The following OPCML variants were observed in gnomAD, a reference collection of about 807,000 sequenced individuals.
OPCML encodes opioid binding protein/cell adhesion molecule like.
Under a neutral mutation model 37.8 loss-of-function variants are expected in OPCML, and 13 were observed. That is an observed-to-expected ratio of 0.34 (90% CI 0.22 to 0.55). The LOEUF is 0.55. Among genes scored for constraint, OPCML ranks in the 20% least tolerant of loss-of-function variants. The pLI, the probability that OPCML is intolerant of heterozygous loss-of-function variation, is 0.91. For synonymous variants in OPCML, 176 were observed against 168.8 expected (o/e 1.04, Z -0.33); for missense variants, 341 against 435.6 (o/e 0.78, Z 1.93).
At chr11:132,469,751 G>A (rs1238223452) in intron 4 of OPCML, among the ~76,000 whole-genome samples, 1 of 125,984 alleles carries the variant, frequency 7.9e-6, no homozygotes, top group Non-Finnish European at 1.6e-5. Flanking sequence ...TATGTGTGGA[G>A]GGGTGTGAGT....
chr11:133,112,634 G>T (rs1471882717), intron 1 of OPCML, among the ~76,000 whole-genome samples: 1 of 152,076 alleles, frequency 6.6e-6, no homozygotes, highest in Non-Finnish European at 1.5e-5. Context: ...TGCAATGAGG[G>T]CTATTTGCCG....
At chr11:133,484,069 GATA>G in intron 1 of OPCML, among the ~76,000 whole-genome samples, 1 of 144,364 alleles carries the variant, frequency 6.9e-6, no homozygotes, top group South Asian at 2.1e-4. Flanking sequence ...TAGATAGATA[GATA>G]GATAGATAGA....
At chr11:132,795,689 G>T (rs1407079808) in intron 2 of OPCML, among the ~76,000 whole-genome samples, 1 of 152,124 alleles carries the variant, frequency 6.6e-6, no homozygotes, top group Non-Finnish European at 1.5e-5. Flanking sequence ...ATGTTTTTGT[G>T]ACTAGTCTCT....
At position 132,943,264 on chromosome 11, in the gene OPCML, T is replaced by C. The variant is rs1303001553; in HGVS notation, c.62-254A>G. The stretch of plus-strand genomic sequence containing the variant: ...GGGCTCTCCGGAGTCTGAGAATTCT[T>C]CCTCAGATCCTGCCTCAGCTTTCCA... On this transcript the variant is annotated intron_variant, in intron 1 of 7. Coordinates refer to ENST00000524381, the MANE Select transcript of OPCML (RefSeq NM_001012393.5). The surrounding 1 kb of genome is among the most constrained non-coding windows in gnomAD (Gnocchi z 4.3). 3 of 935,610 alleles carry C rather than the reference T, an allele frequency of 3.2e-6. No individual in the cohort carries two copies. The highest frequency in any genetic ancestry group is 3.3e-5 in the African/African-American group (2 of 60,080). 58.0% of individuals were successfully genotyped at this position (935,610 alleles called of 1,614,324 possible). A position where few individuals can be genotyped will look rare whatever the true frequency, so the allele number is the denominator to read the frequency against.
chr11:132,902,145 G>T lies in OPCML; in HGVS notation c.146+40781C>A, dbSNP rs535830136. On this transcript the variant is annotated intron_variant, in intron 2 of 7. Coordinates refer to ENST00000524381, the MANE Select transcript of OPCML (RefSeq NM_001012393.5). ...AAATGGTCAATAAATCAAGCTCGGG[G>T]TCCAGGAATTTATGGATTATAGCTG... Among the ~76,000 whole-genome samples, 12 of 152,318 alleles carry T rather than the reference G, an allele frequency of 7.9e-5. No homozygotes were observed. In the East Asian group the frequency reaches 2.3e-3, roughly 29 times the overall value.
At chr11:133,393,811 G>A (rs985857479) in intron 1 of OPCML, among the ~76,000 whole-genome samples, 1 of 152,220 alleles carries the variant, frequency 6.6e-6, no homozygotes, top group African/African-American at 2.4e-5. Context: ...CTCCTGTGCT[G>A]GATAATACAG....
In OPCML at chr11:132,657,274, G is replaced by A. The variant is rs777028556; in HGVS notation, c.192C>T (p.Arg64=). ...CATTCCCAGCGTAGAGGATGGTGCT[G>A]CGGTTTAGCCAGGCCACCCGGGTTA... ...DRVTRVAWLN[R]STILYAGNDK... is the part of the protein sequence containing the mutation. Residue 64 remains arginine (R), a synonymous_variant, in exon 3 of 8, where the codon CGC becomes CGT. Transcript: ENST00000524381. 6 of 1,614,132 alleles carry A rather than the reference G, an allele frequency of 3.7e-6. No individual in the cohort carries two copies. Among genetic ancestry groups the A allele is most frequent in the Non-Finnish European group, 4.2e-6 (5 of 1,180,058 alleles).
At chr11:133,447,944 T>A (rs1378571380) in intron 1 of OPCML, among the ~76,000 whole-genome samples, 3 of 152,190 alleles carry the variant, frequency 2.0e-5, no homozygotes, top group Admixed American at 2.0e-4. Context: ...ATAAGTGTTT[T>A]ATTAGCTATG....
intron 1 of OPCML, among the ~76,000 whole-genome samples, chr11:133,018,457 T>C (rs115811129): frequency 0.014 from 2,068 of 152,170 alleles, 49 homozygotes; most frequent in African/African-American, 0.048. Context: ...CCAGAACAGG[T>C]ACAACACCCC....
rs546787554 is a variant in OPCML, at chr11:133,468,715, T to C, written c.61+63549A>G. 5.9e-5 allele frequency among the ~76,000 whole-genome samples: 9 copies of C among 152,290 alleles called. No individual in the cohort carries two copies. The East Asian group carries it at 1.7e-3, about 30-fold the overall frequency. ...GGGATAGCTGAGAGAAAAAGGCTTT[T>C]TGACAAGCGTTCAAGAGCTCACTTC... is the stretch of plus-strand genomic sequence containing the variant. On this transcript the variant is annotated intron_variant, in intron 1 of 7. Coordinates refer to ENST00000524381, the MANE Select transcript of OPCML (RefSeq NM_001012393.5).
intron 2 of OPCML, among the ~76,000 whole-genome samples, chr11:132,790,508 G>T (rs1458798025): frequency 6.6e-6 from 1 of 152,172 alleles, no homozygotes; most frequent in Non-Finnish European, 1.5e-5. Flanking sequence ...AATTTAAAAA[G>T]TCAACCAAAA....
At chr11:133,444,997 A>T (rs1946445334) in intron 1 of OPCML, among the ~76,000 whole-genome samples, 1 of 136,412 alleles carries the variant, frequency 7.3e-6, no homozygotes, top group Non-Finnish European at 1.5e-5. Flanking sequence ...GAGACCACAG[A>T]CCATATCCAT....
intron 3 of OPCML, among the ~76,000 whole-genome samples, chr11:132,656,414 G>C (rs2135769622): frequency 6.6e-6 from 1 of 152,198 alleles, no homozygotes; most frequent in Non-Finnish European, 1.5e-5. Flanking sequence ...ACAATTCCTG[G>C]GCTATGTCGA....
chr11:132,445,394 C>A (rs974669003), intron 4 of OPCML, among the ~76,000 whole-genome samples: 1 of 152,140 alleles, frequency 6.6e-6, no homozygotes, highest in African/African-American at 2.4e-5. Flanking sequence ...TCCTCCAGTA[C>A]AACTGTCCCC....
At chr11:132,777,448 G>T (rs1424328181) in intron 2 of OPCML, among the ~76,000 whole-genome samples, 1 of 152,144 alleles carries the variant, frequency 6.6e-6, no homozygotes, top group East Asian at 1.9e-4. Flanking sequence ...AAGGAACTGG[G>T]GTATAGAGCT....
intron 1 of OPCML, among the ~76,000 whole-genome samples, chr11:132,995,413 C>T (rs1946863861): frequency 6.6e-6 from 1 of 152,034 alleles, no homozygotes; most frequent in Admixed American, 6.6e-5. Flanking sequence ...AATTGGAATT[C>T]AAAATGCTAA....
intron 1 of OPCML, among the ~76,000 whole-genome samples, chr11:132,970,832 A>G (rs1946325929): frequency 1.3e-5 from 2 of 152,196 alleles, no homozygotes; most frequent in African/African-American, 4.8e-5. Context: ...TCATAGCTGA[A>G]GTTATCTTAA....
chr11:132,522,162 C>T (rs1453706327), intron 4 of OPCML, among the ~76,000 whole-genome samples: 1 of 152,204 alleles, frequency 6.6e-6, no homozygotes, highest in African/African-American at 2.4e-5. Flanking sequence ...AACAATAGTT[C>T]ATTCCTTTGT....
intron 1 of OPCML, among the ~76,000 whole-genome samples, chr11:133,102,564 T>C (rs539747112): frequency 1.3e-5 from 2 of 152,018 alleles, no homozygotes; most frequent in South Asian, 4.2e-4. Flanking sequence ...CTAGCTAACA[T>C]GGTGAAACCC....
Sources: allele counts gnomAD v4.1 joint callset (sites outside exome capture counted in the v4.1 genomes callset), GRCh38; gene constraint gnomAD v4.1.1; non-coding constraint Gnocchi (gnomAD v3.1); transcripts MANE v1.5; gene names NCBI Gene and HGNC (gene_info 2026-07-23, HGNC 2026-07-21).